BMPER: variants seen among roughly 807,000 people sequenced by gnomAD.
BMPER encodes BMP binding endothelial regulator.
BMPER carries 45 observed loss-of-function variants against 87.3 expected under a neutral mutation model. The ratio of observed to expected loss-of-function variants is 0.52; its 90% CI spans 0.41 to 0.66. The LOEUF (loss-of-function observed/expected upper bound fraction) is 0.66. Among genes scored for constraint, BMPER ranks in the 30% least tolerant of loss-of-function variants. The probability of loss-of-function intolerance (pLI) is 0.00; values close to 1 mark genes in which losing one functional copy is unlikely to be tolerated. For synonymous variants in BMPER, 326 were observed against 316.2 expected (o/e 1.03, Z -0.33); for missense variants, 784 against 867.5 (o/e 0.90, Z 1.21).
At chr7:33,994,497 C>T (rs780986991) in intron 6 of BMPER, among the ~76,000 whole-genome samples, 15 of 152,208 alleles carry the variant, frequency 9.9e-5, no homozygotes, top group Non-Finnish European at 2.1e-4. Flanking sequence ...GGTGCGCACA[C>T]CCACTGACCT....
At chr7:34,141,551 A>G (rs1001542341) in intron 13 of BMPER, among the ~76,000 whole-genome samples, 5 of 137,658 alleles carry the variant, frequency 3.6e-5, no homozygotes, top group Admixed American at 8.3e-5. Flanking sequence ...TGGAGGTTGT[A>G]GTGAGCTGAG....
intron 6 of BMPER, among the ~76,000 whole-genome samples, chr7:34,036,886 G>T (rs192017982): frequency 3.3e-5 from 5 of 152,066 alleles, no homozygotes; most frequent in African/African-American, 1.2e-4. Context: ...AAGAAAAAAC[G>T]TAAAAGAAAA....
chr7:33,926,165 C>T (rs1330730739), intron 2 of BMPER, among the ~76,000 whole-genome samples: 1 of 152,212 alleles, frequency 6.6e-6, no homozygotes, highest in Non-Finnish European at 1.5e-5. Flanking sequence ...TGGCATAGTA[C>T]CTGGCCTGCC....
intron 7 of BMPER, among the ~76,000 whole-genome samples, chr7:34,049,135 C>T (rs2127959330): frequency 6.6e-6 from 1 of 152,256 alleles, no homozygotes; most frequent in Middle Eastern, 3.4e-3. Context: ...TCCTTGTTTT[C>T]CTCATTCTCA....
rs189402618 is a variant in BMPER at position 33,916,550 on chromosome 7, G to A, written c.219+9647G>A. Among the ~76,000 whole-genome samples, 404 of 152,360 alleles carry A rather than the reference G, an allele frequency of 2.7e-3. 5 individuals are homozygous for A. Among genetic ancestry groups the A allele is most frequent in the Non-Finnish European group, 2.3e-3 (155 of 68,036 alleles). The stretch of plus-strand genomic sequence containing the variant: ...CCTTCTAGAAAGGGCAAGCCCAGAT[G>A]AACTGGTGTGACTGGATTTGGACAT... On this transcript the variant is annotated intron_variant, in intron 2 of 14. Coordinates refer to ENST00000649409, the MANE Select transcript of BMPER (RefSeq NM_001365308.1).
intron 6 of BMPER, among the ~76,000 whole-genome samples, chr7:33,994,691 T>G (rs1394209379): frequency 6.6e-6 from 1 of 152,182 alleles, no homozygotes; most frequent in African/African-American, 2.4e-5. Context: ...TGATTGACTT[T>G]AGGGCGTGAT....
rs558690607 is a variant in BMPER at position 34,115,643 on chromosome 7, T to A, written c.1746-27587T>A. 4.6e-5 allele frequency among the ~76,000 whole-genome samples: 7 copies of A among 152,354 alleles called. No homozygotes were observed. The South Asian group carries it at 1.5e-3, about 32-fold the overall frequency. On this transcript the variant is annotated intron_variant, in intron 13 of 14. Transcript: ENST00000649409. ...TTACTTAGCATGTGTTCAAGGTTCA[T>A]CCATATTGTAGCATGTATCAGTAAC...
In BMPER at chr7:34,143,217, T is replaced by C; in HGVS notation, c.1746-13T>C. ...ATTTTTAAATGTTTCTATCTCTCTT[T>C]TGGGTCCTATAGGTCCTGTGTGACA... On this transcript the variant is annotated splice_polypyrimidine_tract_variant and intron_variant, in intron 13 of 14. Coordinates refer to ENST00000649409, the MANE Select transcript of BMPER (RefSeq NM_001365308.1). The C allele has an allele frequency of 6.2e-7, 1 of 1,613,910 alleles. No individual in the cohort carries two copies. The highest frequency in any genetic ancestry group is 1.1e-5 in the South Asian group (1 of 91,084).
At position 34,154,496 on chromosome 7, in the gene BMPER, A is replaced by G. The variant is rs543933149; in HGVS notation, c.*1223A>G. ...AATAAAGGGCTTAAGATGTAAAACA[A>G]TGCATTTTCTCTCTCAAGATGTCCT... On this transcript the variant is annotated 3_prime_UTR_variant, in exon 15 of 15. Transcript: ENST00000649409. The G allele has an allele frequency of 9.8e-5, 15 of 152,376 alleles. No individual in the cohort carries two copies. The highest frequency in any genetic ancestry group is 2.9e-4 in the African/African-American group (12 of 41,596). The allele number at this position is 152,376 out of a possible 1,614,324, so 9.4% of individuals were successfully genotyped here.
At chr7:33,905,444 CGCCCTCCCTCACA>C, upstream of BMPER, 1 of 272,500 alleles carries the variant, frequency 3.7e-6, no homozygotes, top group Non-Finnish European at 7.3e-6. Context: ...TCTCTCCCCC[CGCCCTCCCTCACA>C]CCCCCCCGCC....
chr7:34,074,020 T>A lies in BMPER; in HGVS notation c.1079-4837T>A, dbSNP rs542267943. ...GTAGCACTGGCTGTGGGTTTGGATG[T>A]GTTTTAGATGAGATCTTGTAGTTAG... On this transcript the variant is annotated intron_variant, in intron 11 of 14. Transcript: ENST00000649409. 8.5e-5 allele frequency among the ~76,000 whole-genome samples: 13 copies of A among 152,364 alleles called. No homozygotes were observed. In the East Asian group the frequency reaches 2.3e-3, roughly 27 times the overall value.
At chr7:33,919,923 A>ATATCTATCTATC (rs61007454) in intron 2 of BMPER, among the ~76,000 whole-genome samples, 32,213 of 150,698 alleles carry the variant, frequency 0.21, 3,492 homozygotes, top group Non-Finnish European at 0.22. Context: ...ATCTGTGTAC[A>ATATCTATCTATC]TATCTATCTA....
chr7:34,091,110 C>T (rs755362283), intron 13 of BMPER, among the ~76,000 whole-genome samples: 64 of 152,138 alleles, frequency 4.2e-4, no homozygotes, highest in Non-Finnish European at 8.5e-4. Context: ...TACTGGGATC[C>T]TGGGACTGCC....
chr7:34,037,658 C>T (rs6951634), intron 6 of BMPER, among the ~76,000 whole-genome samples: 22,804 of 152,170 alleles, frequency 0.15, 2,787 homozygotes, highest in African/African-American at 0.34. Context: ...ACTGGCATAG[C>T]GCCCCTGAAA....
intron 3 of BMPER, among the ~76,000 whole-genome samples, chr7:33,948,861 A>G (rs532738240): frequency 1.3e-5 from 2 of 152,308 alleles, no homozygotes; most frequent in East Asian, 3.9e-4. Flanking sequence ...ATACAGTATC[A>G]TACTGCCTGT....
rs766925978 is a variant in BMPER, at chr7:33,937,324, C to T, written c.255C>T (p.Pro85=). ...TGACATGTAAGAGAGAGAAGTGCCC[C>T]GTGCTGTCCCGAGACTGTGCCCTGG... ...KEVTCKREKC[P]VLSRDCALAI... Residue 85 remains proline, a synonymous_variant, in exon 3 of 15, where the codon CCC becomes CCT. Transcript: ENST00000649409. 98 of 1,614,028 alleles carry T rather than the reference C, an allele frequency of 6.1e-5. No individual in the cohort carries two copies. The highest frequency in any genetic ancestry group is 1.8e-4 in the South Asian group (16 of 91,082).
intron 6 of BMPER, among the ~76,000 whole-genome samples, chr7:33,991,469 G>T (rs1474382348): frequency 3.0e-4 from 46 of 151,786 alleles, no homozygotes; most frequent in African/African-American, 9.2e-4. Flanking sequence ...GATATCCCCT[G>T]TATCATTTTT....
chr7:34,060,369 A>G (rs1788405076), intron 10 of BMPER, among the ~76,000 whole-genome samples: 1 of 152,048 alleles, frequency 6.6e-6, no homozygotes, highest in Non-Finnish European at 1.5e-5. Context: ...CCTGGGCCTG[A>G]GCTGACCTCA....
At chr7:34,118,994 ACTGTCTCTCTCTCTCTCT>A (rs1192161769) in intron 13 of BMPER, among the ~76,000 whole-genome samples, 2 of 89,068 alleles carry the variant, frequency 2.2e-5, no homozygotes, top group Non-Finnish European at 4.5e-5. Context: ...TCTCTCTCTC[ACTGTCTCTCTCTCTCTCT>A]CTCACACACA....
Sources: gnomAD v4.1 joint callset for allele counts (sites outside exome capture counted in the v4.1 genomes callset) on GRCh38, gnomAD v4.1.1 for gene constraint, MANE v1.5 for transcripts, NCBI Gene and HGNC (gene_info 2026-07-23, HGNC 2026-07-21) for gene names.